RBFOX1: variants seen among roughly 807,000 people sequenced by gnomAD.
RBFOX1 encodes the protein RNA binding fox-1 homolog 1.
Under a neutral mutation model 57.7 loss-of-function variants are expected in RBFOX1, and 8 were observed. The observed-to-expected ratio is 0.14, with a 90% CI of 0.08 to 0.25. RBFOX1 has a LOEUF of 0.25. RBFOX1 is among the 10% of genes least tolerant of loss of function. The probability of loss-of-function intolerance (pLI) is 1.00; values close to 1 mark genes in which losing one functional copy is unlikely to be tolerated. For synonymous variants in RBFOX1, 326 were observed against 222.4 expected (o/e 1.47, Z -4.15); for missense variants, 611 against 548.5 (o/e 1.11, Z -1.14).
intron 3 of RBFOX1, among the ~76,000 whole-genome samples, chr16:6,777,318 A>G (rs577704204): frequency 3.3e-4 from 50 of 152,190 alleles, no homozygotes; most frequent in Non-Finnish European, 6.6e-4. Flanking sequence ...TTAGCAAGGT[A>G]TTTTGCTCCT....
intron 3 of RBFOX1, among the ~76,000 whole-genome samples, chr16:6,751,788 A>C (rs1417724946): frequency 6.6e-6 from 1 of 152,126 alleles, no homozygotes; most frequent in Non-Finnish European, 1.5e-5. Context: ...AGAATGTGTG[A>C]TTATCGTAAC....
At chr16:5,880,858 T>C (rs2057744812) in intron 4 of RBFOX1, among the ~76,000 whole-genome samples, 1 of 152,234 alleles carries the variant, frequency 6.6e-6, no homozygotes, top group Admixed American at 6.5e-5. Flanking sequence ...CATGATTCAG[T>C]CAAATCTTTG....
At chr16:7,254,287 G>C (rs532674240) in intron 4 of RBFOX1, among the ~76,000 whole-genome samples, 1 of 152,230 alleles carries the variant, frequency 6.6e-6, no homozygotes, top group East Asian at 1.9e-4. Flanking sequence ...AGAAATTCTT[G>C]ACTCATTTGC....
rs2084023419 is a variant in RBFOX1 at position 7,711,688 on chromosome 16, G to A, written c.*943G>A. On this transcript the variant is annotated 3_prime_UTR_variant, in exon 16 of 16. Transcript: ENST00000550418. ...AATGTATAAAATTTACATCTGTGCA[G>A]TGGAGTTGTTAAGTTCTAGAAACAG... The A allele has an allele frequency of 6.6e-6, 1 of 152,536 alleles. No individual in the cohort carries two copies. The highest frequency in any genetic ancestry group is 2.4e-5 in the African/African-American group (1 of 41,424). 9.4% of individuals were successfully genotyped at this position (152,536 alleles called of 1,614,324 possible). A position where few individuals can be genotyped will look rare whatever the true frequency, so the allele number is the denominator to read the frequency against.
intron 3 of RBFOX1, among the ~76,000 whole-genome samples, chr16:5,769,182 T>C (rs902597421): frequency 6.6e-6 from 1 of 152,202 alleles, no homozygotes; most frequent in African/African-American, 2.4e-5. Context: ...TATGAATATG[T>C]CATCAACTAA....
intron 4 of RBFOX1, among the ~76,000 whole-genome samples, chr16:7,352,322 C>G (rs2097143279): frequency 6.6e-6 from 1 of 152,198 alleles, no homozygotes; most frequent in African/African-American, 2.4e-5. Flanking sequence ...TCCTTCCACT[C>G]TGGGCCTGAT....
chr16:6,813,865 C>T (rs986338976), intron 3 of RBFOX1, among the ~76,000 whole-genome samples: 38 of 152,070 alleles, frequency 2.5e-4, no homozygotes, highest in Admixed American at 2.5e-3. Flanking sequence ...CATCTGAGCT[C>T]AGCCAGCCCC....
At chr16:5,830,031 A>G (rs1214095106) in intron 3 of RBFOX1, among the ~76,000 whole-genome samples, 2 of 152,168 alleles carry the variant, frequency 1.3e-5, no homozygotes, top group African/African-American at 4.8e-5. Flanking sequence ...TCAAATAGCC[A>G]TGACATTTCC....
intron 4 of RBFOX1, among the ~76,000 whole-genome samples, chr16:7,338,860 C>T (rs1051418683): frequency 6.6e-6 from 1 of 152,148 alleles, no homozygotes; most frequent in African/African-American, 2.4e-5. Context: ...GCTGGCATTT[C>T]AGGTCTTGAT....
chr16:6,239,406 A>G (rs74005021), intron 1 of RBFOX1, among the ~76,000 whole-genome samples: 88 of 149,624 alleles, frequency 5.9e-4, no homozygotes, highest in African/African-American at 2.1e-3. Flanking sequence ...TATCATGAAT[A>G]CCCGTCCCAT....
intron 4 of RBFOX1, among the ~76,000 whole-genome samples, chr16:7,329,601 G>C (rs973001349): frequency 6.6e-6 from 1 of 152,182 alleles, no homozygotes; most frequent in African/African-American, 2.4e-5. Flanking sequence ...GGTTTTGAAC[G>C]AGGACGAAGT....
intron 2 of RBFOX1, among the ~76,000 whole-genome samples, chr16:6,386,913 T>C (rs936130621): frequency 1.3e-5 from 2 of 152,140 alleles, no homozygotes; most frequent in African/African-American, 2.4e-5. Flanking sequence ...TTTGAGGAAT[T>C]GTGGAATAAA....
intron 2 of RBFOX1, among the ~76,000 whole-genome samples, chr16:5,521,116 A>C (rs1054854665): frequency 6.6e-6 from 1 of 152,136 alleles, no homozygotes; most frequent in Non-Finnish European, 1.5e-5. Flanking sequence ...ATAAGCCCCT[A>C]TCTGTTTGGG....
chr16:6,848,429 T>G (rs2093883823), intron 3 of RBFOX1, among the ~76,000 whole-genome samples: 1 of 152,148 alleles, frequency 6.6e-6, no homozygotes, highest in Non-Finnish European at 1.5e-5. Context: ...AACAAACACT[T>G]CTGTTGACCA....
chr16:6,297,120 G>A (rs1013701755), intron 1 of RBFOX1, among the ~76,000 whole-genome samples: 3 of 152,110 alleles, frequency 2.0e-5, no homozygotes, highest in African/African-American at 4.8e-5. Context: ...GGAGTGTAGC[G>A]GTGAGGACCA....
At chr16:5,905,906 C>T (rs756458541) in intron 4 of RBFOX1, among the ~76,000 whole-genome samples, 24 of 152,246 alleles carry the variant, frequency 1.6e-4, no homozygotes, top group Non-Finnish European at 2.2e-4. Flanking sequence ...CTCTTTTTCC[C>T]GACGATGGAG....
intron 3 of RBFOX1, chr16:5,867,233 T>C: frequency 9.2e-7 from 1 of 1,090,138 alleles, no homozygotes; most frequent in Non-Finnish European, 1.2e-6. Flanking sequence ...CCAGTTCCTT[T>C]AAAAAGACAA....
chr16:6,140,969 T>A (rs1421405973), intron 1 of RBFOX1, among the ~76,000 whole-genome samples: 2 of 151,390 alleles, frequency 1.3e-5, no homozygotes, highest in Non-Finnish European at 2.9e-5. Context: ...CTCCCCAAGC[T>A]CTCTGCAGCG....
At chr16:5,723,329 C>T (rs900712887) in intron 3 of RBFOX1, among the ~76,000 whole-genome samples, 1 of 152,184 alleles carries the variant, frequency 6.6e-6, no homozygotes, top group Non-Finnish European at 1.5e-5. Flanking sequence ...CATCTCAGGT[C>T]TGATTTTGAG....
Sources: gnomAD v4.1 joint callset for allele counts (sites outside exome capture counted in the v4.1 genomes callset) on GRCh38, gnomAD v4.1.1 for gene constraint, MANE v1.5 for transcripts, NCBI Gene and HGNC (gene_info 2026-07-23, HGNC 2026-07-21) for gene names.